The following G3BP2 variants were observed in gnomAD, a reference collection of about 807,000 sequenced individuals.
G3BP2 encodes G3BP stress granule assembly factor 2.
In G3BP2, 11 loss-of-function variants were observed where a neutral mutation model predicts 56.7. The ratio of observed to expected loss-of-function variants is 0.19; its 90% CI spans 0.12 to 0.32. The LOEUF is 0.32. G3BP2 is among the 10% of genes least tolerant of loss of function. G3BP2 has a pLI of 1.00. For synonymous variants in G3BP2, 165 were observed against 191.6 expected, an observed-to-expected ratio of 0.86 and a Z score of 1.15; for missense variants, 340 against 610.9, an observed-to-expected ratio of 0.56 and a Z score of 4.67.
intron 1 of G3BP2, among the ~76,000 whole-genome samples, chr4:75,668,981 A>G (rs368908378): frequency 1.3e-4 from 20 of 152,142 alleles, no homozygotes; most frequent in African/African-American, 4.6e-4. Context: ...TTTGAATGCA[A>G]TTCTCTGGAA....
Position 75,673,350 on chromosome 4 carries a change from T to C in G3BP2, c.-167A>G. On this transcript the variant is annotated 5_prime_UTR_variant, in exon 1 of 12. Transcript: ENST00000359707. ...GAAGCCGGAGAGCCGCGAGTTCGTC[T>C]GCCTCACAACCACCTCTTCCCGGGC... 2.4e-6 allele frequency: 3 copies of C among 1,231,316 alleles called. No homozygotes were observed. In the African/African-American group the frequency reaches 4.6e-5, roughly 19 times the overall value. The allele number at this position is 1,231,316 out of a possible 1,614,324, so 76.3% of individuals were successfully genotyped here.
In G3BP2 at chr4:75,654,812, T is replaced by C. The variant is rs182101811; in HGVS notation, c.726+254A>G. The C allele has an allele frequency of 1.9e-3, 776 of 410,520 alleles. 1 individual carries two copies. Among genetic ancestry groups the C allele is most frequent in the Middle Eastern group, 6.5e-3 (10 of 1,536 alleles). The allele number at this position is 410,520 out of a possible 1,614,324, so 25.4% of individuals were successfully genotyped here. A position where few individuals can be genotyped will look rare whatever the true frequency, so the allele number is the denominator to read the frequency against. ...CAGCTCTATACATGGATCCAAATAA[T>C]TTCATATAAGTTACTAAACAATGCA... On this transcript the variant is annotated intron_variant, in intron 7 of 11. Coordinates refer to ENST00000359707, the MANE Select transcript of G3BP2 (RefSeq NM_203505.3).
At chr4:75,698,195 A>G (rs6531866) in intron 3 of G3BP2, among the ~76,000 whole-genome samples, 133,236 of 152,142 alleles carry the variant, frequency 0.88, 58,361 homozygotes, top group East Asian at 0.91. Context: ...ACTGTAATAC[A>G]GAGAGTCCTC....
chr4:75,721,734 C>T (rs1428672590), intron 2 of G3BP2, among the ~76,000 whole-genome samples: 1 of 152,128 alleles, frequency 6.6e-6, no homozygotes, highest in Non-Finnish European at 1.5e-5. Context: ...AATTATATTT[C>T]GTTGTTTTTG....
In G3BP2 at chr4:75,655,156, T is replaced by C; in HGVS notation, c.636A>G (p.Gln212=). The change falls in exon 7 of 12, where the codon CAA becomes CAG. Residue 212 remains glutamine, a synonymous_variant. Transcript: ENST00000359707. ...GTTCTTCTAAGTTCTTCTCCTCCAC[T>C]TGTGGTTTCAGCTCTTCAGTCTTTG... ...SETKTEELKP[Q]VEEKNLEELE... is the part of the protein sequence containing the mutation. 6.2e-7 allele frequency: 1 copy of C among 1,613,450 alleles called. No homozygotes were observed. The highest frequency in any genetic ancestry group is 8.5e-7 in the Non-Finnish European group (1 of 1,179,374).
At position 75,714,919 on chromosome 4, in the gene G3BP2, T is replaced by C. The variant is rs543583192; in HGVS notation, c.-25+5958A>G. Among the ~76,000 whole-genome samples the C allele has an allele frequency of 3.9e-5, 6 of 152,312 alleles. 1 individual carries two copies. The highest frequency in any genetic ancestry group is 3.9e-4 in the Admixed American group (6 of 15,306). ...GCTGGCATCCTACAGCCTCTGTTGT[T>C]AGTCCTGCACTGCCTACCTCCTAAT... On this transcript the variant is annotated intron_variant, in intron 3 of 3. Transcript: ENST00000499709.
chr4:75,650,940 T>C (rs937252831), intron 8 of G3BP2, among the ~76,000 whole-genome samples: 3 of 152,238 alleles, frequency 2.0e-5, no homozygotes, highest in African/African-American at 7.2e-5. Flanking sequence ...CAGTAACTAT[T>C]TGTTCATTTA....
At chr4:75,673,530 C>T (rs1733693080), upstream of G3BP2, 20 of 1,232,110 alleles carry the variant, frequency 1.6e-5, no homozygotes, top group South Asian at 3.3e-4. Flanking sequence ...CCCAACCTTC[C>T]CGTGTCCCTC....
intron 7 of G3BP2, 138 bp downstream of exon 7, chr4:75,654,928 A>C: frequency 1.6e-6 from 1 of 642,958 alleles, no homozygotes; most frequent in South Asian, 2.2e-5. Context: ...TCAGGTAACA[A>C]ACAAACCCCA....
At chr4:75,653,407 G>C (rs188529558) in intron 8 of G3BP2, among the ~76,000 whole-genome samples, 1 of 151,964 alleles carries the variant, frequency 6.6e-6, no homozygotes, top group Admixed American at 6.6e-5. Context: ...TCACATTTTT[G>C]AAAGCTCTGA....
intron 3 of G3BP2, among the ~76,000 whole-genome samples, chr4:75,714,940 C>T (rs1032246414): frequency 6.6e-6 from 1 of 152,184 alleles, no homozygotes; most frequent in African/African-American, 2.4e-5. Context: ...TGCCTACCTC[C>T]TAATTTATTC....
At chr4:75,696,452 C>G (rs1030403121) in intron 3 of G3BP2, among the ~76,000 whole-genome samples, 116 of 152,128 alleles carry the variant, frequency 7.6e-4, no homozygotes, top group Non-Finnish European at 2.8e-4. Flanking sequence ...GCCAGCGGCT[C>G]CCTAATGCAC....
rs371177459 is a variant in G3BP2 at position 75,684,640 on chromosome 4, G to A, written c.-24-22591C>T. Among the ~76,000 whole-genome samples the A allele has an allele frequency of 9.5e-4, 144 of 152,088 alleles. 1 individual carries two copies. The highest frequency in any genetic ancestry group is 3.4e-3 in the African/African-American group (140 of 41,524). Reference sequence around the variant, plus strand: ...AGCAAACTGCAGCCTCAAACTCCTCGGTTCAGGTGATCCTCCCACCTTAGC... The same window carrying A: ...AGCAAACTGCAGCCTCAAACTCCTCAGTTCAGGTGATCCTCCCACCTTAGC... On this transcript the variant is annotated intron_variant, in intron 3 of 3. Coordinates refer to the G3BP2 transcript ENST00000499709.
In G3BP2 at chr4:75,643,897, T is replaced by C. The variant is rs1396950369; in HGVS notation, c.*1533A>G. On this transcript the variant is annotated 3_prime_UTR_variant, in exon 12 of 12. Transcript: ENST00000359707. ...GCCATACTTGTGGTTTACTGGAACT[T>C]GCTATAAAGACAGACAATAATCCAG... The C allele has an allele frequency of 6.6e-6, 1 of 152,622 alleles. No individual in the cohort carries two copies. Among genetic ancestry groups the C allele is most frequent in the Non-Finnish European group, 1.5e-5 (1 of 68,038 alleles). The allele number at this position is 152,622 out of a possible 1,614,324, so 9.5% of individuals were successfully genotyped here.
rs542788873 is a variant in G3BP2, at chr4:75,688,109, A to G, written c.-24-26060T>C. Among the ~76,000 whole-genome samples, 4 of 151,338 alleles carry G rather than the reference A, an allele frequency of 2.6e-5. No homozygotes were observed. The South Asian group carries it at 6.3e-4, about 24-fold the overall frequency. On this transcript the variant is annotated intron_variant, in intron 3 of 3. Transcript: ENST00000499709. ...GTATGTAACCCCCTAATAAAACTCT[A>G]CGTCTCATTTTGCTGGCTTATGGTC...
intron 3 of G3BP2, among the ~76,000 whole-genome samples, chr4:75,689,276 C>A (rs1331366994): frequency 1.3e-5 from 2 of 151,924 alleles, no homozygotes. Flanking sequence ...ACTGGGGAGG[C>A]TGAGGCAGGA....
chr4:75,644,450 A>G lies in G3BP2; in HGVS notation c.*980T>C, dbSNP rs1414088999. 6.5e-6 allele frequency: 1 copy of G among 152,676 alleles called. No individual in the cohort carries two copies. The highest frequency in any genetic ancestry group is 1.5e-5 in the Non-Finnish European group (1 of 68,048). 9.5% of individuals were successfully genotyped at this position (152,676 alleles called of 1,614,324 possible). On this transcript the variant is annotated 3_prime_UTR_variant, in exon 12 of 12. Coordinates refer to ENST00000359707, the MANE Select transcript of G3BP2 (RefSeq NM_203505.3). ...TTTCGATGATTTTTCAACATTTTGCAGCTGTTTGGCTTTGCAGCACAGCAA... is the reference window on the plus strand; with the variant it reads ...TTTCGATGATTTTTCAACATTTTGCGGCTGTTTGGCTTTGCAGCACAGCAA...
chr4:75,657,757 T>C (rs540479380), intron 3 of G3BP2, 27 bp from the exon 4 acceptor site: 3 of 1,461,654 alleles, frequency 2.1e-6, no homozygotes, highest in African/African-American at 2.8e-5. Flanking sequence ...GGGAAAAATA[T>C]AAACTCTGTG....
chr4:75,682,909 G>A (rs879672140), intron 3 of G3BP2, among the ~76,000 whole-genome samples: 2 of 151,920 alleles, frequency 1.3e-5, no homozygotes, highest in African/African-American at 2.4e-5. Flanking sequence ...GCTTGAACCT[G>A]GGAGGCAGAG....
Sources: gnomAD v4.1 joint callset for allele counts (sites outside exome capture counted in the v4.1 genomes callset) on GRCh38, gnomAD v4.1.1 for gene constraint, MANE v1.5 for transcripts, NCBI Gene and HGNC (gene_info 2026-07-23, HGNC 2026-07-21) for gene names.